Variants in MYH11 observed in about 807,000 individuals in gnomAD.
The protein encoded by MYH11 is myosin-11.
In MYH11, 80 loss-of-function variants were observed where a neutral mutation model predicts 246.6. The observed-to-expected ratio is 0.32, with a 90% CI of 0.27 to 0.39. The LOEUF (loss-of-function observed/expected upper bound fraction) is 0.39. Ranked by LOEUF, MYH11 falls within the 10% of genes least tolerant of loss-of-function variation. The pLI, the probability that MYH11 is intolerant of heterozygous loss-of-function variation, is 1.00. For synonymous variants in MYH11, 1,071 were observed against 1,015.5 expected (o/e 1.05, Z -1.04); for missense variants, 2,158 against 2,546.8 (o/e 0.85, Z 3.29).
In MYH11 at chr16:15,750,853, A is replaced by C. The variant is rs2041547545; in HGVS notation, c.1865-522T>G. Reference sequence around the variant, plus strand: ...ATATCACAGGGAAGGAGACAGACAGAGATCACAGATGTTAAGTATGGAATA... The same window carrying C: ...ATATCACAGGGAAGGAGACAGACAGCGATCACAGATGTTAAGTATGGAATA... On this transcript the variant is annotated intron_variant, in intron 15 of 40. Transcript: ENST00000300036. The surrounding 1 kb of genome is among the most constrained non-coding windows in gnomAD (Gnocchi z 4.3). Among the ~76,000 whole-genome samples the C allele has an allele frequency of 1.3e-5, 2 of 152,120 alleles. No individual in the cohort carries two copies. The highest frequency in any genetic ancestry group is 1.3e-4 in the Admixed American group (2 of 15,262).
intron 33 of MYH11, 62 bp downstream of exon 33, chr16:15,720,775 AGT>A (rs1457786806): frequency 7.4e-6 from 11 of 1,495,406 alleles, no homozygotes; most frequent in Non-Finnish European, 1.0e-5. Flanking sequence ...CAACCATGAG[AGT>A]GGTGATAGGA....
At chr16:15,770,270 G>A (rs910593632) in intron 9 of MYH11, among the ~76,000 whole-genome samples, 6 of 152,072 alleles carry the variant, frequency 3.9e-5, no homozygotes, top group African/African-American at 9.7e-5. Flanking sequence ...AGTTATCTTC[G>A]GAGGAGCTGC....
In MYH11 at chr16:15,750,206, G is replaced by A. The variant is rs762549707; in HGVS notation, c.1990C>T (p.Leu664=). The A allele has an allele frequency of 6.2e-7, 1 of 1,614,236 alleles. No individual in the cohort carries two copies. The highest frequency in any genetic ancestry group is 1.1e-5 in the South Asian group (1 of 91,090). Residue 664 remains leucine, a synonymous_variant, in exon 16 of 41, where the codon CTG becomes TTG. Transcript: ENST00000300036. The surrounding 1 kb of genome is among the most constrained non-coding windows in gnomAD (Gnocchi z 4.3). Reference sequence around the variant, plus strand: ...GTGGTGTTGCGTAGCGTGGTCATCAGCTTGCCCAGCTGCTCCTTGTACAGC... The same window carrying A: ...GTGGTGTTGCGTAGCGTGGTCATCAACTTGCCCAGCTGCTCCTTGTACAGC... ...GQLYKEQLGK[L]MTTLRNTTPN... is the part of the protein sequence containing the mutation.
Position 15,748,057 on chromosome 16 carries a change from A to G in MYH11, c.2170T>C (p.Phe724Leu). 6.2e-7 allele frequency: 1 copy of G among 1,614,048 alleles called. No homozygotes were observed. The highest frequency in any genetic ancestry group is 8.5e-7 in the Non-Finnish European group (1 of 1,180,018). The change falls in exon 17 of 41, where the codon TTC (phenylalanine) becomes CTC (leucine). Residue 724 changes from phenylalanine to leucine, a missense_variant. Transcript: ENST00000300036. Reference sequence around the variant, plus strand: ...GACCTTGGGACTTACCGTTGGCGGAACTCCTGGAAGACGATCCGGTTGGGG... The same window carrying G: ...GACCTTGGGACTTACCGTTGGCGGAGCTCCTGGAAGACGATCCGGTTGGGG... ...GFPNRIVFQE[F>L]RQRYEILAAN...
At chr16:15,844,614 G>A (rs1008802369) in intron 1 of MYH11, among the ~76,000 whole-genome samples, 18 of 152,196 alleles carry the variant, frequency 1.2e-4, no homozygotes, top group Admixed American at 9.2e-4. Context: ...CCCATATTTT[G>A]GGAGGCCAAG....
At chr16:15,800,984 T>A (rs1288373545) in intron 3 of MYH11, among the ~76,000 whole-genome samples, 1 of 152,008 alleles carries the variant, frequency 6.6e-6, no homozygotes, top group Non-Finnish European at 1.5e-5. Context: ...GGAGGGTGGA[T>A]CACTTGAGTT....
intron 40 of MYH11, among the ~76,000 whole-genome samples, chr16:15,712,337 CACCT>C (rs944430826): frequency 8.5e-5 from 13 of 152,084 alleles, no homozygotes; most frequent in Non-Finnish European, 1.5e-4. Context: ...TGAGACCTCT[CACCT>C]AGCGCTGGGG....
chr16:15,744,524 A>G (rs952160819), intron 20 of MYH11, among the ~76,000 whole-genome samples: 6 of 146,230 alleles, frequency 4.1e-5, no homozygotes, highest in African/African-American at 1.5e-4. Flanking sequence ...AAGAAAGAAG[A>G]GACAGAGTCT....
chr16:15,724,715 C>G lies in MYH11; in HGVS notation c.4048G>C (p.Asp1350His), dbSNP rs1285916662. ...QLEEERNSLQDQLDEEMEAKQ... is the reference protein window; with the variant it reads ...QLEEERNSLQHQLDEEMEAKQ... ...GCCTCCATCTCCTCGTCCAGCTGGT[C>G]TTGCAGGCTGTTCCGCTCCTCCTCC... The change falls in exon 30 of 41, where the codon GAC becomes CAC. Residue 1350 changes from aspartate to histidine, a missense_variant. Physicochemically the swap from Asp to His is moderately conservative, Grantham distance 81. This residue lies in a region of MYH11 where 1,013 missense variants were observed against 993.5 expected (regional missense o/e 1.02). Transcript: ENST00000300036. 1.2e-6 allele frequency: 2 copies of G among 1,614,100 alleles called. No homozygotes were observed. The highest frequency in any genetic ancestry group is 2.7e-5 in the African/African-American group (2 of 74,950).
rs565621927 is a variant in MYH11, at chr16:15,737,685, C to T, written c.3122-65G>A. 34 of 1,580,058 alleles carry T rather than the reference C, an allele frequency of 2.2e-5. 1 individual carries two copies. The East Asian group carries it at 6.9e-4, about 32-fold the overall frequency. ...AGAGAGATGCCCGGAAATGAGCCTTCCTGCCCAGGCATTTTACCCGGAGGA... is the reference window on the plus strand; with the variant it reads ...AGAGAGATGCCCGGAAATGAGCCTTTCTGCCCAGGCATTTTACCCGGAGGA... On this transcript the variant is annotated intron_variant, in intron 24 of 40. Transcript: ENST00000300036.
chr16:15,803,278 AT>A (rs59001579), intron 3 of MYH11, among the ~76,000 whole-genome samples: 22 of 143,624 alleles, frequency 1.5e-4, no homozygotes, highest in East Asian at 6.1e-4. Flanking sequence ...AACCAGTTTA[AT>A]TTTTTTTTTT....
chr16:15,802,526 G>A (rs1312702230), intron 3 of MYH11, among the ~76,000 whole-genome samples: 1 of 152,214 alleles, frequency 6.6e-6, no homozygotes, highest in Non-Finnish European at 1.5e-5. Context: ...TCAGCTCACT[G>A]CAACCTCAAC....
intron 13 of MYH11, 82 bp from the exon 14 acceptor site, chr16:15,756,596 C>T (rs769282109): frequency 1.8e-4 from 250 of 1,417,336 alleles, no homozygotes; most frequent in Middle Eastern, 3.5e-4. Context: ...CTATACACAA[C>T]GCATGGGCAT....
At chr16:15,719,115 GAAACTCTGTCTCGA>G in intron 36 of MYH11, 91 bp downstream of exon 36, 1 of 1,135,530 alleles carries the variant, frequency 8.8e-7, no homozygotes, top group African/African-American at 1.5e-5. Flanking sequence ...GTGACAGAAT[GAAACTCTGTCTCGA>G]AAAAATTTAA....
At position 15,726,951 on chromosome 16, in the gene MYH11, T is replaced by C. The variant is rs754671760; in HGVS notation, c.3755A>G (p.His1252Arg). 6 of 1,613,376 alleles carry C rather than the reference T, an allele frequency of 3.7e-6. No individual in the cohort carries two copies. Among genetic ancestry groups the C allele is most frequent in the Admixed American group, 1.7e-5 (1 of 59,970 alleles). ...VLGQAKQEVE[H>R]KKKKLEAQVQ... ...CTGCGCCTCCAGCTTCTTCTTCTTA[T>C]GTTCCACCTCCTGCTTGGCCTGGCC... The change falls in exon 28 of 41, where the codon CAT becomes CGT. Residue 1252 changes from histidine to arginine, a missense_variant. Coordinates refer to ENST00000300036, the MANE Select transcript of MYH11 (RefSeq NM_002474.3).
chr16:15,724,834 G>T (rs1567700853), intron 29 of MYH11, 35 bp from the exon 30 acceptor site: 2 of 1,613,580 alleles, frequency 1.2e-6, no homozygotes, highest in Non-Finnish European at 1.7e-6. Context: ...CCAGGGACCT[G>T]CCCCGAGGAA....
chr16:15,837,921 G>A lies in MYH11; in HGVS notation c.332C>T (p.Ser111Leu). 1 of 1,613,956 alleles carries A rather than the reference G, an allele frequency of 6.2e-7. No individual in the cohort carries two copies. Among genetic ancestry groups the A allele is most frequent in the Non-Finnish European group, 8.5e-7 (1 of 1,179,926 alleles). The part of the protein sequence containing the change: ...VLHNLRERYF[S>L]GLIYTYSGLF... ...TGCAATACTCACATATATTAGCCCT[G>A]AGAAGTACCGCTCCCTCAGGTTGTG... Residue 111 changes from serine (S) to leucine (L), a missense_variant, in exon 2 of 41, where the codon TCA (serine) becomes TTA (leucine). Ser to Leu is a moderately radical substitution (Grantham distance 145). Around this residue, in one of 11 missense-constraint regions of MYH11, gnomAD observed 36 missense variants for 73.9 expected, o/e 0.49. Coordinates refer to ENST00000300036, the MANE Select transcript of MYH11 (RefSeq NM_002474.3).
Position 15,747,552 on chromosome 16 carries a change from G to T in MYH11, c.2411+18C>A. ...TGATTCGCGTTTGAGGTATTAGGAT[G>T]CAGGAAAGCATCTTTACTTTCTGGC... On this transcript the variant is annotated intron_variant, in intron 19 of 40. Coordinates refer to ENST00000300036, the MANE Select transcript of MYH11 (RefSeq NM_002474.3). The T allele has an allele frequency of 6.2e-7, 1 of 1,614,136 alleles. No homozygotes were observed. Among genetic ancestry groups the T allele is most frequent in the Non-Finnish European group, 8.5e-7 (1 of 1,180,004 alleles).
chr16:15,736,280 G>T (rs902119587), intron 25 of MYH11, among the ~76,000 whole-genome samples: 1 of 152,034 alleles, frequency 6.6e-6, no homozygotes, highest in Non-Finnish European at 1.5e-5. Context: ...TTTTTGTTTT[G>T]TTGTTATTAT....
Sources: allele counts gnomAD v4.1 joint callset (sites outside exome capture counted in the v4.1 genomes callset), GRCh38; gene constraint gnomAD v4.1.1; regional missense constraint gnomAD v4.1.1; non-coding constraint Gnocchi (gnomAD v3.1); transcripts MANE v1.5; gene names NCBI Gene and HGNC (gene_info 2026-07-23, HGNC 2026-07-21).